TMEM179: variants seen among roughly 807,000 people sequenced by gnomAD.
The protein encoded by TMEM179 is transmembrane protein 179A.
Under a neutral mutation model 22.2 loss-of-function variants are expected in TMEM179, and 17 were observed. The observed-to-expected ratio is 0.77, with a 90% confidence interval of 0.52 to 1.15. The LOEUF (loss-of-function observed/expected upper bound fraction) is 1.15, where lower values mean the gene tolerates loss of function less well. Ranked by LOEUF, TMEM179 falls within the 50% of genes most tolerant of loss-of-function variation. The pLI, the probability that TMEM179 is intolerant of heterozygous loss-of-function variation, is 0.00. For missense variants in TMEM179, 265 were observed against 313.6 expected, an observed-to-expected ratio of 0.84 and a Z score of 1.17; for synonymous variants, 127 against 140.5, an observed-to-expected ratio of 0.90 and a Z score of 0.68.
rs756282478 is a variant in TMEM179 at position 104,604,654 on chromosome 14, C to T, written c.88G>A (p.Glu30Lys). 1.3e-5 allele frequency: 20 copies of T among 1,592,312 alleles called. No homozygotes were observed. Among genetic ancestry groups the T allele is most frequent in the Non-Finnish European group, 1.5e-5 (18 of 1,171,524 alleles). The change falls in exon 1 of 4, where the codon GAG becomes AAG. Residue 30 changes from glutamate (E) to lysine (K), a missense_variant. Glu to Lys is a moderately conservative substitution (Grantham distance 56). Transcript: ENST00000556573. This position sits in a 1 kb window ranked among gnomAD's most constrained non-coding sequence, Gnocchi z 4.6. Reference sequence around the variant, plus strand: ...CGGCCGCGGAAGTCGTGGCCGTTCTCGGACAGCGGGACCACCACCACGAAG... The same window carrying T: ...CGGCCGCGGAAGTCGTGGCCGTTCTTGGACAGCGGGACCACCACCACGAAG... ...FSFVVVVPLS[E>K]NGHDFRGRCL...
rs1886900699 is a variant in TMEM179, at chr14:104,593,249, T to C, written c.*230A>G. ...GCCCCCCGCCCCCGCCCCACACCCA[T>C]AGTCTCTCTGCACCATCCTCATCAG... On this transcript the variant is annotated 3_prime_UTR_variant, in exon 4 of 4. Coordinates refer to ENST00000556573, the MANE Select transcript of TMEM179 (RefSeq NM_001286389.2). 9.0e-6 allele frequency: 5 copies of C among 556,374 alleles called. No homozygotes were observed. The African/African-American group carries it at 9.9e-5, about 11-fold the overall frequency. 34.5% of individuals were successfully genotyped at this position (556,374 alleles called of 1,614,324 possible).
intron 3 of TMEM179, chr14:104,594,609 G>T: frequency 8.1e-7 from 1 of 1,228,826 alleles, no homozygotes; most frequent in Non-Finnish European, 1.0e-6. Context: ...CCCTCAGAGT[G>T]GGGGCCACCA....
intron 1 of TMEM179, among the ~76,000 whole-genome samples, chr14:104,602,455 C>T (rs76984588): frequency 0.049 from 7,527 of 152,324 alleles, 623 homozygotes; most frequent in African/African-American, 0.17. Context: ...ACCCTCCACC[C>T]TCAGCTTCCC....
At chr14:104,594,333 G>A (rs974175612) in intron 3 of TMEM179, 151 of 1,231,578 alleles carry the variant, frequency 1.2e-4, no homozygotes, top group Non-Finnish European at 1.4e-4. Flanking sequence ...CAGGAGAAGC[G>A]TCCTCAGGCC....
chr14:104,597,692 C>A lies in TMEM179; in HGVS notation c.306-565G>T, dbSNP rs1332111581. Among the ~76,000 whole-genome samples, 1 of 152,130 alleles carries A rather than the reference C, an allele frequency of 6.6e-6. No homozygotes were observed. The highest frequency in any genetic ancestry group is 1.5e-5 in the Non-Finnish European group (1 of 68,018). On this transcript the variant is annotated intron_variant, in intron 1 of 3. Transcript: ENST00000556573. This position sits in a 1 kb window ranked among gnomAD's most constrained non-coding sequence, Gnocchi z 4.8. ...AGAGGAACGGGCCCTCAGCAGGCAT[C>A]GAACCTGGATCCCAGCCTGGATCGC... is the stretch of plus-strand genomic sequence containing the variant.
Position 104,595,084 on chromosome 14 carries a change from G to C in TMEM179, c.522+81C>G, listed in dbSNP as rs781570342. 2 of 1,604,234 alleles carry C rather than the reference G, an allele frequency of 1.2e-6. No homozygotes were observed. The highest frequency in any genetic ancestry group is 1.3e-5 in the African/African-American group (1 of 74,798). ...AGGAGCCTGCCTCCTCCTCTGGATGGGGGAGAGCTCAGCAAATGTCCAGCA... is the reference window on the plus strand; with the variant it reads ...AGGAGCCTGCCTCCTCCTCTGGATGCGGGAGAGCTCAGCAAATGTCCAGCA... On this transcript the variant is annotated intron_variant, in intron 3 of 3. Coordinates refer to ENST00000556573, the MANE Select transcript of TMEM179 (RefSeq NM_001286389.2). This position sits in a 1 kb window ranked among gnomAD's most constrained non-coding sequence, Gnocchi z 5.7.
chr14:104,594,419 G>C, intron 3 of TMEM179: 7 of 1,231,884 alleles, frequency 5.7e-6, no homozygotes, highest in Non-Finnish European at 7.1e-6. Flanking sequence ...GCCCTGATCA[G>C]TGCTGGCAGG....
chr14:104,591,638 G>A lies in TMEM179; in HGVS notation c.*1841C>T, dbSNP rs554174186. On this transcript the variant is annotated 3_prime_UTR_variant, in exon 4 of 4. Transcript: ENST00000556573. ...ATGGGCACCTGCCAGCCTCACTCCCGGGACCCAGGATGATGCCCCCACCAG... is the reference window on the plus strand; with the variant it reads ...ATGGGCACCTGCCAGCCTCACTCCCAGGACCCAGGATGATGCCCCCACCAG... 1.3e-4 allele frequency: 43 copies of A among 343,900 alleles called. No homozygotes were observed. The highest frequency in any genetic ancestry group is 6.2e-4 in the East Asian group (7 of 11,364). 21.3% of individuals were successfully genotyped at this position (343,900 alleles called of 1,614,324 possible). A position where few individuals can be genotyped will look rare whatever the true frequency, so the allele number is the denominator to read the frequency against.
In TMEM179 at chr14:104,597,999, G is replaced by T. The variant is rs1399933134; in HGVS notation, c.306-872C>A. Reference sequence around the variant, plus strand: ...GGGCCACACTGCCCCAGGGGTCTGAGGCCTCTGCCAGGGCGCACACGGCCA... The same window carrying T: ...GGGCCACACTGCCCCAGGGGTCTGATGCCTCTGCCAGGGCGCACACGGCCA... On this transcript the variant is annotated intron_variant, in intron 1 of 3. Coordinates refer to ENST00000556573, the MANE Select transcript of TMEM179 (RefSeq NM_001286389.2). This position sits in a 1 kb window ranked among gnomAD's most constrained non-coding sequence, Gnocchi z 4.8. 2.6e-5 allele frequency among the ~76,000 whole-genome samples: 4 copies of T among 152,232 alleles called. No individual in the cohort carries two copies. Among genetic ancestry groups the T allele is most frequent in the Admixed American group, 2.6e-4 (4 of 15,292 alleles).
rs1886836894 is a variant in TMEM179 at position 104,591,322 on chromosome 14, C to T, written c.*2157G>A. ...CCTGCCTCCTGCCCCTCCTTCAGGG[C>T]CCTAGATGGCTGTGGCCTGGATCAG... On this transcript the variant is annotated 3_prime_UTR_variant, in exon 4 of 4. Coordinates refer to ENST00000556573, the MANE Select transcript of TMEM179 (RefSeq NM_001286389.2). 3 of 454,498 alleles carry T rather than the reference C, an allele frequency of 6.6e-6. No individual in the cohort carries two copies. The Admixed American group carries it at 7.1e-5, about 11-fold the overall frequency. 28.2% of individuals were successfully genotyped at this position (454,498 alleles called of 1,614,324 possible).
In TMEM179 at chr14:104,593,327, G is replaced by A. The variant is rs570067943; in HGVS notation, c.*152C>T. On this transcript the variant is annotated 3_prime_UTR_variant, in exon 4 of 4. Transcript: ENST00000556573. ...CAGGCTCACAGGTGGGCACTGGGGC[G>A]CTCACCTCACTACACGTGGCGTCGA... 2.9e-5 allele frequency: 26 copies of A among 911,676 alleles called. No homozygotes were observed. Among genetic ancestry groups the A allele is most frequent in the Middle Eastern group, 2.2e-4 (1 of 4,572 alleles). The allele number at this position is 911,676 out of a possible 1,614,324, so 56.5% of individuals were successfully genotyped here.
rs1056001124 is a variant in TMEM179 at position 104,595,602 on chromosome 14, C to T, written c.444-359G>A. On this transcript the variant is annotated intron_variant, in intron 2 of 3. Transcript: ENST00000556573. The surrounding 1 kb of genome is among the most constrained non-coding windows in gnomAD (Gnocchi z 5.7). The stretch of plus-strand genomic sequence containing the variant: ...GTCCTGACCCAGGACGGCCGGAAGA[C>T]GCCAGCTCAGCCTCTGCTTTTCTGG... 6.6e-5 allele frequency among the ~76,000 whole-genome samples: 10 copies of T among 152,096 alleles called. No individual in the cohort carries two copies. Among genetic ancestry groups the T allele is most frequent in the African/African-American group, 1.7e-4 (7 of 41,412 alleles).
rs1886828642 is a variant in TMEM179, at chr14:104,591,031, GC to G, written c.*2447del. ...TTCCCACCTTCCTGCCTGGGGAGAGGCCCAATCCCCTGAGGGACCCTGGAGA... is the reference window on the plus strand; with the variant it reads ...TTCCCACCTTCCTGCCTGGGGAGAGGCCAATCCCCTGAGGGACCCTGGAGA... On this transcript the variant is annotated 3_prime_UTR_variant, in exon 4 of 4. Transcript: ENST00000556573. The G allele has an allele frequency of 4.6e-6, 1 of 216,892 alleles. No homozygotes were observed. The highest frequency in any genetic ancestry group is 9.3e-6 in the Non-Finnish European group (1 of 107,082). The allele number at this position is 216,892 out of a possible 1,614,324, so 13.4% of individuals were successfully genotyped here.
At chr14:104,599,413 C>T (rs1053368723) in intron 1 of TMEM179, among the ~76,000 whole-genome samples, 31 of 152,218 alleles carry the variant, frequency 2.0e-4, no homozygotes, top group East Asian at 9.7e-4. Context: ...ATCCAGGTCC[C>T]GTTAGCCAGG....
At chr14:104,600,405 G>A (rs1176835880) in intron 1 of TMEM179, among the ~76,000 whole-genome samples, 1 of 152,212 alleles carries the variant, frequency 6.6e-6, no homozygotes, top group Non-Finnish European at 1.5e-5. Context: ...GCCGGCACGG[G>A]CAGGCAGATG....
At position 104,594,335 on chromosome 14, in the gene TMEM179, C is replaced by T. The variant is rs920201382; in HGVS notation, c.523-677G>A. 3.2e-6 allele frequency: 4 copies of T among 1,231,552 alleles called. No individual in the cohort carries two copies. In the African/African-American group the frequency reaches 4.7e-5, roughly 14 times the overall value. The allele number at this position is 1,231,552 out of a possible 1,614,324, so 76.3% of individuals were successfully genotyped here. A position where few individuals can be genotyped will look rare whatever the true frequency, so the allele number is the denominator to read the frequency against. On this transcript the variant is annotated intron_variant, in intron 3 of 3. Transcript: ENST00000556573. Reference sequence around the variant, plus strand: ...GAGGGCTCCTGGCCAGGAGAAGCGTCCTCAGGCCAGCCACGGCCAGCAAGA... The same window carrying T: ...GAGGGCTCCTGGCCAGGAGAAGCGTTCTCAGGCCAGCCACGGCCAGCAAGA...
At position 104,604,051 on chromosome 14, in the gene TMEM179, G is replaced by T. The variant is rs1459935065; in HGVS notation, c.305+386C>A. 1.3e-5 allele frequency among the ~76,000 whole-genome samples: 2 copies of T among 152,222 alleles called. No homozygotes were observed. Among genetic ancestry groups the T allele is most frequent in the Non-Finnish European group, 2.9e-5 (2 of 68,036 alleles). On this transcript the variant is annotated intron_variant, in intron 1 of 3. Transcript: ENST00000556573. The surrounding 1 kb of genome is among the most constrained non-coding windows in gnomAD (Gnocchi z 4.6). ...TTGTCACTGGGACCTGGAGAGCTCA[G>T]TGCAAGCCCTAGACCGGGCTGGGAG... is the stretch of plus-strand genomic sequence containing the variant.
chr14:104,602,814 C>G (rs576062112), intron 1 of TMEM179, among the ~76,000 whole-genome samples: 5 of 152,346 alleles, frequency 3.3e-5, no homozygotes, highest in African/African-American at 1.2e-4. Flanking sequence ...TTCTACTGAC[C>G]CCCATCCAGA....
In TMEM179 at chr14:104,595,789, A is replaced by G. The variant is rs1887002291; in HGVS notation, c.444-546T>C. Among the ~76,000 whole-genome samples the G allele has an allele frequency of 6.6e-6, 1 of 152,232 alleles. No individual in the cohort carries two copies. The highest frequency in any genetic ancestry group is 1.5e-5 in the Non-Finnish European group (1 of 68,038). Reference sequence around the variant, plus strand: ...GGCATCTGTGGAAGCAGTGGGCATCAGAGGGCCCAGGAGTGAGCCAGGCCT... The same window carrying G: ...GGCATCTGTGGAAGCAGTGGGCATCGGAGGGCCCAGGAGTGAGCCAGGCCT... On this transcript the variant is annotated intron_variant, in intron 2 of 3. Coordinates refer to ENST00000556573, the MANE Select transcript of TMEM179 (RefSeq NM_001286389.2). The surrounding 1 kb of genome is among the most constrained non-coding windows in gnomAD (Gnocchi z 5.7).
Sources: allele counts gnomAD v4.1 joint callset (sites outside exome capture counted in the v4.1 genomes callset), GRCh38; gene constraint gnomAD v4.1.1; non-coding constraint Gnocchi (gnomAD v3.1); transcripts MANE v1.5; gene names NCBI Gene and HGNC (gene_info 2026-07-23, HGNC 2026-07-21).